Variants in VPS13C observed in about 807,000 individuals in gnomAD.
VPS13C encodes intermembrane lipid transfer protein VPS13C.
VPS13C carries 358 observed loss-of-function variants against 456.8 expected under a neutral mutation model. The observed-to-expected ratio is 0.78, with a 90% CI of 0.72 to 0.86. VPS13C has a LOEUF of 0.86. Ranked by LOEUF, VPS13C falls within the 40% of genes least tolerant of loss-of-function variation. The probability of loss-of-function intolerance (pLI) is 0.00; values close to 1 mark genes in which losing one functional copy is unlikely to be tolerated. For missense variants in VPS13C, 4,818 were observed against 4,385.4 expected, an observed-to-expected ratio of 1.10 and a Z score of -2.79; for synonymous variants, 1,578 against 1,486.7, an observed-to-expected ratio of 1.06 and a Z score of -1.41.
At chr15:62,012,295 T>C (rs1017112139) in intron 11 of VPS13C, 131 bp from the exon 12 acceptor site, 11 of 539,856 alleles carry the variant, frequency 2.0e-5, no homozygotes, top group African/African-American at 4.0e-5. Flanking sequence ...GCTTCTCTGT[T>C]ACTAGTAGTC....
chr15:61,958,542 G>T, intron 37 of VPS13C, 66 bp downstream of exon 37: 2 of 883,970 alleles, frequency 2.3e-6, no homozygotes, highest in Non-Finnish European at 3.5e-6. Context: ...TTTATTTGCT[G>T]ATTCCCTACT....
chr15:62,058,580 T>C (rs775563930), intron 1 of VPS13C, among the ~76,000 whole-genome samples: 1 of 152,186 alleles, frequency 6.6e-6, no homozygotes, highest in Non-Finnish European at 1.5e-5. Flanking sequence ...ACCAAAAGTA[T>C]ACAGAAGGAT....
At chr15:61,934,363 G>T in intron 48 of VPS13C, 32 bp from the exon 49 acceptor site, 1 of 1,208,732 alleles carries the variant, frequency 8.3e-7, no homozygotes, top group East Asian at 2.7e-5. Context: ...CTTTTAAGTA[G>T]GTACGTAATT....
intron 16 of VPS13C, among the ~76,000 whole-genome samples, 166 bp downstream of exon 16, chr15:62,000,398 T>TC (rs374638525): frequency 6.6e-6 from 1 of 152,046 alleles, no homozygotes; most frequent in Non-Finnish European, 1.5e-5. Context: ...AGGTTTTTTT[T>TC]CCCCTTCATA....
At chr15:62,036,795 A>G (rs183919047) in intron 3 of VPS13C, among the ~76,000 whole-genome samples, 51 of 152,008 alleles carry the variant, frequency 3.4e-4, no homozygotes, top group Admixed American at 5.3e-4. Context: ...AGTTTTTTAT[A>G]TATTACTCCC....
intron 79 of VPS13C, among the ~76,000 whole-genome samples, chr15:61,871,354 T>C (rs1323161413): frequency 1.3e-5 from 2 of 152,148 alleles, no homozygotes; most frequent in East Asian, 1.9e-4. Flanking sequence ...AGGACGGTTC[T>C]TTCCTATTGA....
At chr15:62,007,176 C>A in intron 15 of VPS13C, 132 bp downstream of exon 15, 1 of 819,196 alleles carries the variant, frequency 1.2e-6, no homozygotes, top group Non-Finnish European at 1.6e-6. Context: ...TGCATTTTCC[C>A]ACATAATTCT....
At chr15:61,898,136 C>T (rs528177274) in intron 66 of VPS13C, among the ~76,000 whole-genome samples, 16 of 151,960 alleles carry the variant, frequency 1.1e-4, no homozygotes, top group South Asian at 2.1e-4. Context: ...CGGTACCAGC[C>T]GCTGCAAAAT....
chr15:62,031,860 G>C (rs1470410243), intron 5 of VPS13C, among the ~76,000 whole-genome samples: 1 of 151,772 alleles, frequency 6.6e-6, no homozygotes, highest in East Asian at 1.9e-4. Context: ...TCCTAAGTCT[G>C]AGTACGAAAT....
At position 61,981,330 on chromosome 15, in the gene VPS13C, A is replaced by G. The variant is rs377380788; in HGVS notation, c.2166+12T>C. ...CAAAGATGGGCAGACAAAAAAACGC[A>G]TATATACCTACCTGAAATGTACCAA... On this transcript the variant is annotated intron_variant, in intron 22 of 84. Coordinates refer to ENST00000644861, the MANE Select transcript of VPS13C (RefSeq NM_020821.3). 6.2e-7 allele frequency: 1 copy of G among 1,601,012 alleles called. No homozygotes were observed. Among genetic ancestry groups the G allele is most frequent in the African/African-American group, 1.4e-5 (1 of 73,800 alleles).
chr15:61,936,873 G>C (rs2140242592), intron 47 of VPS13C, 123 bp from the exon 48 acceptor site: 1 of 1,031,788 alleles, frequency 9.7e-7, no homozygotes, highest in East Asian at 2.6e-5. Context: ...GAGAGTTAGA[G>C]TTAGGACTAT....
At chr15:62,044,764 C>A (rs1324342725) in intron 1 of VPS13C, among the ~76,000 whole-genome samples, 1 of 152,088 alleles carries the variant, frequency 6.6e-6, no homozygotes, top group Middle Eastern at 3.2e-3. Flanking sequence ...ATCAGTCCAA[C>A]TTTTATTATA....
intron 8 of VPS13C, among the ~76,000 whole-genome samples, chr15:62,021,663 A>C (rs2047466301): frequency 6.6e-6 from 1 of 151,930 alleles, no homozygotes; most frequent in Non-Finnish European, 1.5e-5. Flanking sequence ...CAATTTTCTA[A>C]ATGGAAAAAA....
intron 1 of VPS13C, among the ~76,000 whole-genome samples, chr15:62,059,565 CCAAG>C (rs1356240473): frequency 6.6e-6 from 1 of 152,194 alleles, no homozygotes; most frequent in African/African-American, 2.4e-5. Context: ...GAGCATGCAA[CCAAG>C]CAGACACCTA....
chr15:61,907,570 C>T lies in VPS13C; in HGVS notation c.8979-180G>A, dbSNP rs530202924. 1.7e-4 allele frequency among the ~76,000 whole-genome samples: 26 copies of T among 152,200 alleles called. No individual in the cohort carries two copies. The South Asian group carries it at 4.8e-3, about 28-fold the overall frequency. ...CTAATAAACTCATGGTTTTTAAGCT[C>T]GGGGAAACAGAATATTGCCCTTTCT... On this transcript the variant is annotated intron_variant, in intron 65 of 84. Coordinates refer to ENST00000644861, the MANE Select transcript of VPS13C (RefSeq NM_020821.3).
Position 61,925,605 on chromosome 15 carries a change from CACTT to C in VPS13C, c.6517-61_6517-58del, listed in dbSNP as rs1234520553. The C allele has an allele frequency of 3.3e-6, 4 of 1,202,442 alleles. No homozygotes were observed. In the Admixed American group the frequency reaches 1.1e-4, roughly 34 times the overall value. 74.5% of individuals were successfully genotyped at this position (1,202,442 alleles called of 1,614,324 possible). A position where few individuals can be genotyped will look rare whatever the true frequency, so the allele number is the denominator to read the frequency against. ...ATAGATCCATTATATACATAACACA[CACTT>C]ACAAGAACCATGTCTTACTTAACTT... On this transcript the variant is annotated intron_variant, in intron 52 of 84. Coordinates refer to ENST00000644861, the MANE Select transcript of VPS13C (RefSeq NM_020821.3).
In VPS13C at chr15:62,016,077, C is replaced by A. The variant is rs80195836; in HGVS notation, c.685-2085G>T. On this transcript the variant is annotated intron_variant, in intron 9 of 84. Transcript: ENST00000644861. ...TTCTTCAATGCGATGTGTATCTCTA[C>A]TTCTCTATATGCCCACAACATTGTG... Among the ~76,000 whole-genome samples, 477 of 148,796 alleles carry A rather than the reference C, an allele frequency of 3.2e-3. 8 individuals are homozygous for A. The highest frequency in any genetic ancestry group is 0.011 in the African/African-American group (465 of 40,668).
intron 83 of VPS13C, 106 bp downstream of exon 83, chr15:61,856,180 T>G: frequency 3.0e-6 from 4 of 1,319,070 alleles, no homozygotes; most frequent in Non-Finnish European, 4.2e-6. Context: ...TCTCAGCATA[T>G]AGTAGTAATA....
chr15:61,992,137 T>A (rs1328244355), intron 16 of VPS13C, among the ~76,000 whole-genome samples: 1 of 152,180 alleles, frequency 6.6e-6, no homozygotes, highest in Non-Finnish European at 1.5e-5. Context: ...TGCATGTTTA[T>A]AAAATGAAAA....
Sources: allele counts gnomAD v4.1 joint callset (sites outside exome capture counted in the v4.1 genomes callset), GRCh38; gene constraint gnomAD v4.1.1; transcripts MANE v1.5; gene names NCBI Gene and HGNC (gene_info 2026-07-23, HGNC 2026-07-21).